ARMC8: variants seen among roughly 807,000 people sequenced by gnomAD.
ARMC8 encodes armadillo repeat-containing protein 8.
Under a neutral mutation model 99.3 loss-of-function variants are expected in ARMC8, and 20 were observed. That is an observed-to-expected ratio of 0.20 (90% confidence interval 0.14 to 0.29). ARMC8 has a LOEUF of 0.29. Ranked by LOEUF, ARMC8 falls within the 10% of genes least tolerant of loss-of-function variation. The pLI is 1.00. For missense variants in ARMC8, 569 were observed against 809.5 expected (o/e 0.70, Z 3.60); for synonymous variants, 263 against 278.3 (o/e 0.95, Z 0.55).
chr3:138,255,968 A>G (rs1033443464), intron 12 of ARMC8, among the ~76,000 whole-genome samples: 1 of 152,380 alleles, frequency 6.6e-6, no homozygotes, highest in Middle Eastern at 3.4e-3. Flanking sequence ...TCCATCTCAA[A>G]AAAAGAAAGG....
chr3:138,214,055 G>A (rs998375340), intron 2 of ARMC8, among the ~76,000 whole-genome samples: 3 of 151,930 alleles, frequency 2.0e-5, no homozygotes, highest in Non-Finnish European at 4.4e-5. Flanking sequence ...GGGAGGCTGA[G>A]GTAGAAGGAT....
In ARMC8 at chr3:138,187,523, G is replaced by C; in HGVS notation, c.-32G>C. On this transcript the variant is annotated 5_prime_UTR_variant, in exon 1 of 22. Coordinates refer to ENST00000469044, the MANE Select transcript of ARMC8 (RefSeq NM_001363941.2). ...GTCGAAAGTGCCGGCCCCCGCGCCG[G>C]CGCCTGCAGCAGCCGGGTGGGAAGG... 1.3e-6 allele frequency: 2 copies of C among 1,535,402 alleles called. No homozygotes were observed. Among genetic ancestry groups the C allele is most frequent in the Non-Finnish European group, 8.7e-7 (1 of 1,146,414 alleles).
intron 20 of ARMC8, 128 bp downstream of exon 20, chr3:138,289,248 CTA>C: frequency 1.5e-6 from 1 of 687,224 alleles, no homozygotes; most frequent in Non-Finnish European, 2.5e-6. Context: ...CAAGCACCCT[CTA>C]GAGTTGCCCT....
chr3:138,187,739 G>C, intron 1 of ARMC8, 140 bp downstream of exon 1: 2 of 898,736 alleles, frequency 2.2e-6, no homozygotes, highest in South Asian at 1.6e-5. Context: ...GGGAGTGAGC[G>C]AGGGTGGAGA....
rs373428613 is a variant in ARMC8, at chr3:138,290,658, A to C, written c.1988+19A>C. Reference sequence around the variant, plus strand: ...GTGACAAGTGAGTATGAATGTGAAAAGGCCTTGCTTTGGGCTGTGTTGGAT... The same window carrying C: ...GTGACAAGTGAGTATGAATGTGAAACGGCCTTGCTTTGGGCTGTGTTGGAT... On this transcript the variant is annotated intron_variant, in intron 21 of 21. Coordinates refer to ENST00000469044, the MANE Select transcript of ARMC8 (RefSeq NM_001363941.2). 38 of 1,549,922 alleles carry C rather than the reference A, an allele frequency of 2.5e-5. No individual in the cohort carries two copies. The African/African-American group carries it at 4.7e-4, about 19-fold the overall frequency.
At chr3:138,275,382 C>G (rs1031016130) in intron 18 of ARMC8, among the ~76,000 whole-genome samples, 2 of 151,980 alleles carry the variant, frequency 1.3e-5, no homozygotes, top group Non-Finnish European at 2.9e-5. Context: ...ACGGTGAAAC[C>G]CCATCTCTAC....
chr3:138,241,718 A>G, intron 10 of ARMC8, 65 bp from the exon 11 acceptor site: 3 of 1,329,726 alleles, frequency 2.3e-6, no homozygotes, highest in South Asian at 1.2e-5. Flanking sequence ...GAGTTGATTC[A>G]GTCACTATAT....
At chr3:138,247,218 A>G (rs1210015989) in intron 12 of ARMC8, among the ~76,000 whole-genome samples, 9 of 152,160 alleles carry the variant, frequency 5.9e-5, no homozygotes, top group African/African-American at 2.2e-4. Flanking sequence ...TCTCCATGAA[A>G]TATTTATTTC....
chr3:138,204,324 GTTA>G (rs2044243929), intron 1 of ARMC8, among the ~76,000 whole-genome samples: 1 of 152,094 alleles, frequency 6.6e-6, no homozygotes, highest in African/African-American at 2.4e-5. Flanking sequence ...TTCTCCCTCA[GTTA>G]TTCATGAACG....
At chr3:138,245,775 T>C in intron 12 of ARMC8, 1 of 986,608 alleles carries the variant, frequency 1.0e-6, no homozygotes, top group Non-Finnish European at 1.2e-6. Context: ...AAGCCTAGTC[T>C]AACACTGAAC....
In ARMC8 at chr3:138,222,579, A is replaced by G. The variant is rs186635774; in HGVS notation, c.194+582A>G. 4.6e-5 allele frequency among the ~76,000 whole-genome samples: 7 copies of G among 152,182 alleles called. No individual in the cohort carries two copies. In the East Asian group the frequency reaches 1.2e-3, roughly 25 times the overall value. Reference sequence around the variant, plus strand: ...TCCTCAGAGCTAAGTTTTCTGTGCAATTGCTATTAGCTTTTCATTCAGAAT... The same window carrying G: ...TCCTCAGAGCTAAGTTTTCTGTGCAGTTGCTATTAGCTTTTCATTCAGAAT... On this transcript the variant is annotated intron_variant, in intron 3 of 21. Coordinates refer to ENST00000469044, the MANE Select transcript of ARMC8 (RefSeq NM_001363941.2).
intron 12 of ARMC8, among the ~76,000 whole-genome samples, chr3:138,250,328 A>T (rs1213707689): frequency 6.6e-6 from 1 of 152,108 alleles, no homozygotes; most frequent in East Asian, 1.9e-4. Context: ...TTGGGAGATT[A>T]AAAAAATATA....
At chr3:138,220,124 A>T (rs2045310716) in intron 2 of ARMC8, among the ~76,000 whole-genome samples, 1 of 152,224 alleles carries the variant, frequency 6.6e-6, no homozygotes, top group Admixed American at 6.5e-5. Context: ...GAAGACAATG[A>T]AAGTGAACAA....
intron 19 of ARMC8, 33 bp downstream of exon 19, chr3:138,284,559 G>A (rs2050224028): frequency 6.9e-7 from 1 of 1,454,956 alleles, no homozygotes; most frequent in Non-Finnish European, 9.7e-7. Context: ...CGTAGGATTA[G>A]AATGCAGGGA....
chr3:138,290,610 T>A lies in ARMC8; in HGVS notation c.1959T>A (p.Ser653Arg). The A allele has an allele frequency of 6.2e-7, 1 of 1,605,878 alleles. No homozygotes were observed. ...TCGTAGATATTCTACACAAACTGAGTCAGTCACCAGATTCAAACCTTTGTG... is the reference window on the plus strand; with the variant it reads ...TCGTAGATATTCTACACAAACTGAGACAGTCACCAGATTCAAACCTTTGTG... ...MGIVDILHKL[S>R]QSPDSNLCDK... Residue 653 changes from serine to arginine, a missense_variant, in exon 21 of 22, where the codon AGT (serine) becomes AGA (arginine). Ser to Arg is a moderately radical substitution (Grantham distance 110). Transcript: ENST00000469044.
Position 138,235,259 on chromosome 3 carries a change from A to G in ARMC8, c.609+145A>G, listed in dbSNP as rs1388856852. The G allele has an allele frequency of 1.0e-5, 6 of 574,668 alleles. No homozygotes were observed. The East Asian group carries it at 1.5e-4, about 15-fold the overall frequency. 35.6% of individuals were successfully genotyped at this position (574,668 alleles called of 1,614,324 possible). On this transcript the variant is annotated intron_variant, in intron 7 of 21. Transcript: ENST00000469044. ...AATGTTATAGGGCATCATTTTAGCT[A>G]TAGAATGCTCTTTAAAAAAAAAAAA... is the stretch of plus-strand genomic sequence containing the variant.
In ARMC8 at chr3:138,216,914, C is replaced by T. The variant is rs148037295; in HGVS notation, c.123-5012C>T. ...AGTCATGCTCTACACAATGATGTTTCAGTTAAAGACAGTTAAAGTCAGTGA... is the reference window on the plus strand; with the variant it reads ...AGTCATGCTCTACACAATGATGTTTTAGTTAAAGACAGTTAAAGTCAGTGA... On this transcript the variant is annotated intron_variant, in intron 2 of 21. Transcript: ENST00000469044. Among the ~76,000 whole-genome samples the T allele has an allele frequency of 1.8e-4, 27 of 152,260 alleles. No homozygotes were observed. The East Asian group carries it at 5.0e-3, about 28-fold the overall frequency.
At chr3:138,205,584 A>G (rs2044327474) in intron 1 of ARMC8, among the ~76,000 whole-genome samples, 1 of 152,114 alleles carries the variant, frequency 6.6e-6, no homozygotes, top group Non-Finnish European at 1.5e-5. Context: ...TTTGTCTTGT[A>G]TTCCTTCCCT....
rs1369760938 is a variant in ARMC8 at position 138,296,294 on chromosome 3, T to C, written c.*402T>C. On this transcript the variant is annotated 3_prime_UTR_variant, in exon 22 of 22. Transcript: ENST00000469044. ...TGAATGGATGTGTGTGTGTGAGGGATACCTCAGATTTTTCTTTTCTTATTT... is the reference window on the plus strand; with the variant it reads ...TGAATGGATGTGTGTGTGTGAGGGACACCTCAGATTTTTCTTTTCTTATTT... 6.4e-6 allele frequency: 1 copy of C among 157,468 alleles called. No homozygotes were observed. Among genetic ancestry groups the C allele is most frequent in the Non-Finnish European group, 1.4e-5 (1 of 71,666 alleles). The allele number at this position is 157,468 out of a possible 1,614,324, so 9.8% of individuals were successfully genotyped here. A position where few individuals can be genotyped will look rare whatever the true frequency, so the allele number is the denominator to read the frequency against.
Sources: gnomAD v4.1 joint callset for allele counts (sites outside exome capture counted in the v4.1 genomes callset) on GRCh38, gnomAD v4.1.1 for gene constraint, MANE v1.5 for transcripts, NCBI Gene and HGNC (gene_info 2026-07-23, HGNC 2026-07-21) for gene names.